Variants in SLC24A3 observed in about 807,000 individuals in gnomAD.
SLC24A3 encodes sodium/potassium/calcium exchanger 3.
Under a neutral mutation model 75.8 loss-of-function variants are expected in SLC24A3, and 28 were observed. That is an observed-to-expected ratio of 0.37 (90% CI 0.27 to 0.51). The LOEUF (loss-of-function observed/expected upper bound fraction) is 0.51. SLC24A3 is among the 20% of genes least tolerant of loss of function. SLC24A3 has a pLI of 0.94. For synonymous variants in SLC24A3, 372 were observed against 334.1 expected (o/e 1.11, Z -1.24); for missense variants, 663 against 847.8 (o/e 0.78, Z 2.71).
chr20:19,490,947 T>G (rs915882235), intron 2 of SLC24A3, among the ~76,000 whole-genome samples: 3 of 152,222 alleles, frequency 2.0e-5, no homozygotes, highest in Admixed American at 2.0e-4. Flanking sequence ...CTTTCTAATC[T>G]CTCATTGCTT....
At chr20:19,222,783 C>CCTTCCTTCCTTCCTTCCTTCCTT (rs1981755756) in intron 1 of SLC24A3, among the ~76,000 whole-genome samples, 5 of 75,862 alleles carry the variant, frequency 6.6e-5, no homozygotes, top group Non-Finnish European at 9.8e-5. Flanking sequence ...TCCCCTCCCT[C>CCTTCCTTCCTTCCTTCCTTCCTT]CCTTCCTTCC....
chr20:19,691,871 G>C (rs554455150), intron 12 of SLC24A3, among the ~76,000 whole-genome samples: 1 of 152,228 alleles, frequency 6.6e-6, no homozygotes, highest in African/African-American at 2.4e-5. Flanking sequence ...TGAAGAAACT[G>C]AGGTGTAGAG....
At chr20:19,503,033 A>G (rs1313979226) in intron 2 of SLC24A3, among the ~76,000 whole-genome samples, 1 of 151,154 alleles carries the variant, frequency 6.6e-6, no homozygotes, top group Non-Finnish European at 1.5e-5. Flanking sequence ...TCTCAGAAAA[A>G]AAAAAAAAAA....
intron 3 of SLC24A3, among the ~76,000 whole-genome samples, chr20:19,515,874 G>A (rs1312831575): frequency 2.0e-5 from 3 of 152,162 alleles, no homozygotes; most frequent in African/African-American, 7.2e-5. Context: ...CTCTTGGGGA[G>A]CCCTTTCCTA....
intron 2 of SLC24A3, among the ~76,000 whole-genome samples, chr20:19,464,205 T>C (rs1244580041): frequency 6.6e-6 from 1 of 152,250 alleles, no homozygotes; most frequent in African/African-American, 2.4e-5. Flanking sequence ...TTCTTAGAGC[T>C]GGACCAGTGT....
intron 2 of SLC24A3, among the ~76,000 whole-genome samples, chr20:19,419,404 G>T (rs1351888642): frequency 1.3e-5 from 2 of 151,674 alleles, no homozygotes; most frequent in Admixed American, 1.3e-4. Flanking sequence ...AGCCAGAAGA[G>T]AATATGTTTT....
rs560927638 is a variant in SLC24A3 at position 19,509,477 on chromosome 20, A to G, written c.272-6011A>G. 1.9e-3 allele frequency among the ~76,000 whole-genome samples: 282 copies of G among 152,326 alleles called. 1 individual carries two copies. Among genetic ancestry groups the G allele is most frequent in the Non-Finnish European group, 3.2e-3 (216 of 68,020 alleles). The stretch of plus-strand genomic sequence containing the variant: ...ACTGAGGCCAAGAAGCACTTGGCAG[A>G]GCCTTCCAGTCCAGTGCACCACACT... On this transcript the variant is annotated intron_variant, in intron 2 of 16. Coordinates refer to ENST00000328041, the MANE Select transcript of SLC24A3 (RefSeq NM_020689.4).
intron 3 of SLC24A3, among the ~76,000 whole-genome samples, chr20:19,558,799 G>A (rs2030829033): frequency 6.6e-6 from 1 of 152,136 alleles, no homozygotes; most frequent in East Asian, 1.9e-4. Context: ...TGTATGTGCT[G>A]TGTGTAAAGA....
chr20:19,588,868 G>A (rs1251238257), intron 6 of SLC24A3, among the ~76,000 whole-genome samples: 1 of 152,168 alleles, frequency 6.6e-6, no homozygotes, highest in Admixed American at 6.5e-5. Flanking sequence ...TGCATCCCAG[G>A]TTAGGACTTT....
intron 2 of SLC24A3, among the ~76,000 whole-genome samples, chr20:19,340,893 G>C (rs6035302): frequency 0.44 from 67,469 of 152,076 alleles, 16,041 homozygotes; most frequent in African/African-American, 0.6. Context: ...TCCCCACCAC[G>C]ATGGAATGAA....
chr20:19,244,056 A>G (rs1007507108), intron 1 of SLC24A3: 1 of 152,032 alleles, frequency 6.6e-6, no homozygotes, highest in South Asian at 2.1e-4. Flanking sequence ...CTGTCATCCA[A>G]TTGTTTGACA....
chr20:19,325,966 C>T (rs750303624), intron 2 of SLC24A3, among the ~76,000 whole-genome samples: 1 of 151,610 alleles, frequency 6.6e-6, no homozygotes, highest in Admixed American at 6.6e-5. Context: ...CACGAAACAA[C>T]GTTTTGACTG....
In SLC24A3 at chr20:19,705,426, T is replaced by G. The variant is rs547225871; in HGVS notation, c.1719+6746T>G. On this transcript the variant is annotated intron_variant, in intron 15 of 16. Coordinates refer to ENST00000328041, the MANE Select transcript of SLC24A3 (RefSeq NM_020689.4). ...GTGGGGGACATCACCATGGAGCTCA[T>G]GCCGAAATGCAGACGTTATTTGGAA... is the stretch of plus-strand genomic sequence containing the variant. Among the ~76,000 whole-genome samples, 31 of 152,304 alleles carry G rather than the reference T, an allele frequency of 2.0e-4. No homozygotes were observed. In the South Asian group the frequency reaches 3.7e-3, roughly 18 times the overall value.
intron 12 of SLC24A3, among the ~76,000 whole-genome samples, chr20:19,689,996 A>C (rs1272868394): frequency 7.1e-6 from 1 of 140,116 alleles, no homozygotes; most frequent in Admixed American, 7.8e-5. Flanking sequence ...GCACCACTGC[A>C]CTCCAGCCTG....
chr20:19,592,120 C>T (rs775828810), intron 6 of SLC24A3, among the ~76,000 whole-genome samples: 1 of 152,184 alleles, frequency 6.6e-6, no homozygotes, highest in Non-Finnish European at 1.5e-5. Context: ...TTAGTATTAT[C>T]AGTACTATTT....
intron 2 of SLC24A3, among the ~76,000 whole-genome samples, chr20:19,349,782 T>C (rs2122323289): frequency 6.6e-6 from 1 of 152,330 alleles, no homozygotes; most frequent in East Asian, 1.9e-4. Context: ...AAGCTCTACT[T>C]CTGAGGAACC....
intron 2 of SLC24A3, among the ~76,000 whole-genome samples, chr20:19,463,086 C>T (rs748912412): frequency 2.6e-5 from 4 of 152,198 alleles, no homozygotes; most frequent in South Asian, 2.1e-4. Flanking sequence ...CAGTTAGCAA[C>T]ATATTATTAA....
At chr20:19,567,353 A>G (rs887238563) in intron 3 of SLC24A3, among the ~76,000 whole-genome samples, 25 of 152,366 alleles carry the variant, frequency 1.6e-4, no homozygotes, top group African/African-American at 6.0e-4. Flanking sequence ...ATAAAAAAGA[A>G]TGAGGTCATG....
intron 2 of SLC24A3, among the ~76,000 whole-genome samples, chr20:19,460,753 T>A (rs1174057742): frequency 6.6e-6 from 1 of 152,220 alleles, no homozygotes; most frequent in Non-Finnish European, 1.5e-5. Context: ...CAAAGCCTCA[T>A]ACTGCAGGCC....
Sources: allele counts gnomAD v4.1 joint callset (sites outside exome capture counted in the v4.1 genomes callset), GRCh38; gene constraint gnomAD v4.1.1; transcripts MANE v1.5; gene names NCBI Gene and HGNC (gene_info 2026-07-23, HGNC 2026-07-21).